The following DUSP15 variants were observed in gnomAD, a reference collection of about 807,000 sequenced individuals.
DUSP15 encodes dual specificity protein phosphatase 15.
Under a neutral mutation model 26.3 loss-of-function variants are expected in DUSP15, and 23 were observed. The observed-to-expected ratio is 0.87, with a 90% CI of 0.63 to 1.24. DUSP15 has a LOEUF of 1.24. Ranked by LOEUF, DUSP15 falls within the 50% of genes most tolerant of loss-of-function variation. The pLI, the probability that DUSP15 is intolerant of heterozygous loss-of-function variation, is 0.00. For synonymous variants in DUSP15, 143 were observed against 135.5 expected (o/e 1.06, Z -0.39); for missense variants, 364 against 320.6 (o/e 1.14, Z -1.03).
At chr20:31,860,869 A>G (rs774121762), downstream of DUSP15, among the ~76,000 whole-genome samples, 1 of 151,804 alleles carries the variant, frequency 6.6e-6, no homozygotes, top group Non-Finnish European at 1.5e-5. Context: ...GGGAGGGGAG[A>G]TGTTAGAGAA....
chr20:31,849,166 C>T (rs1224072835), intron 8 of DUSP15, among the ~76,000 whole-genome samples: 3 of 152,070 alleles, frequency 2.0e-5, no homozygotes, highest in Non-Finnish European at 4.4e-5. Context: ...ATGCCCACTG[C>T]CACTCACCTA....
downstream of DUSP15, among the ~76,000 whole-genome samples, chr20:31,846,442 T>TAGAGAGAGAGAGAG (rs71185371): frequency 1.0e-4 from 11 of 107,864 alleles, no homozygotes; most frequent in African/African-American, 4.0e-4. Flanking sequence ...AAGGAATGAA[T>TAGAGAGAGAGAGAG]AGAGAGAGAG....
intron 7 of DUSP15, chr20:31,850,498 A>T: frequency 9.0e-7 from 1 of 1,106,826 alleles, no homozygotes; most frequent in Non-Finnish European, 1.3e-6. Flanking sequence ...TGTGGCTATT[A>T]TTGGGAGCCT....
chr20:31,850,272 G>A (rs781517880), intron 7 of DUSP15, among the ~76,000 whole-genome samples: 3 of 152,218 alleles, frequency 2.0e-5, no homozygotes, highest in Non-Finnish European at 4.4e-5. Flanking sequence ...AGTGGTTAGG[G>A]TTGTGGGCTC....
chr20:31,862,716 G>A lies in DUSP15; in HGVS notation c.290C>T (p.Thr97Met), dbSNP rs1267315615. 2.5e-6 allele frequency: 4 copies of A among 1,611,226 alleles called. No homozygotes were observed. The highest frequency in any genetic ancestry group is 1.7e-5 in the Admixed American group (1 of 59,856). ...AGTCATCACATACGCTGTCACAATC[G>A]TGGTGCTGCGAGAGATGCCTGCAAA... ...HCFAGISRST[T>M]IVTAYVMTVT... Residue 97 changes from threonine (T) to methionine (M), a missense_variant, in exon 6 of 7, where the codon ACG becomes ATG. Transcript: ENST00000339738.
chr20:31,861,177 A>G lies in DUSP15; in HGVS notation c.*226T>C, dbSNP rs2062640060. The G allele has an allele frequency of 8.0e-7, 1 of 1,256,062 alleles. No homozygotes were observed. The highest frequency in any genetic ancestry group is 1.0e-6 in the Non-Finnish European group (1 of 1,001,292). The allele number at this position is 1,256,062 out of a possible 1,614,324, so 77.8% of individuals were successfully genotyped here. On this transcript the variant is annotated 3_prime_UTR_variant, in exon 7 of 7. Coordinates refer to ENST00000339738, the MANE Select transcript of DUSP15 (RefSeq NM_080611.5). ...AAGGGTGGGCCCCCTCCCCCAGCCC[A>G]AGGACTAAGGCACCAGGTGGCTGCA...
intron 3 of DUSP15, among the ~76,000 whole-genome samples, chr20:31,866,473 C>T (rs2062768332): frequency 6.6e-6 from 1 of 152,186 alleles, no homozygotes; most frequent in Non-Finnish European, 1.5e-5. Context: ...TGAAGATGTT[C>T]CTGACATAAG....
intron 6 of DUSP15, 112 bp from the exon 7 acceptor site, chr20:31,861,787 C>G (rs1307795595): frequency 2.4e-6 from 2 of 846,342 alleles, no homozygotes; most frequent in Non-Finnish European, 3.3e-6. Context: ...CGTCCCACAC[C>G]TCGCTGAGCC....
chr20:31,864,189 G>C, intron 4 of DUSP15: 1 of 1,372,946 alleles, frequency 7.3e-7, no homozygotes, highest in Non-Finnish European at 9.5e-7. Flanking sequence ...CAGGCAGTGA[G>C]AGAGACCAGT....
downstream of DUSP15, chr20:31,860,959 A>G: frequency 9.2e-6 from 9 of 982,404 alleles, no homozygotes; most frequent in South Asian, 4.2e-4. Context: ...CAGGGGATGC[A>G]GGCTCCCTCG....
chr20:31,849,573 A>G, intron 8 of DUSP15: 1 of 1,152,716 alleles, frequency 8.7e-7, no homozygotes, highest in Non-Finnish European at 1.3e-6. Context: ...AGCAGGTGGC[A>G]GGTGCGCCTG....
At chr20:31,869,398 C>CA (rs2062859530) in intron 2 of DUSP15, among the ~76,000 whole-genome samples, 166 bp downstream of exon 2, 1 of 152,242 alleles carries the variant, frequency 6.6e-6, no homozygotes, top group South Asian at 2.1e-4. Flanking sequence ...CACTCGCCTG[C>CA]ATGTGCACCC....
intron 6 of DUSP15, among the ~76,000 whole-genome samples, chr20:31,854,138 GGGGATTTAA>G (rs1436654049): frequency 6.7e-6 from 1 of 149,446 alleles, no homozygotes; most frequent in Non-Finnish European, 1.5e-5. Context: ...CAGCACTGAG[GGGGATTTAA>G]CTGATGAATT....
chr20:31,861,738 G>GGGGGGC, intron 6 of DUSP15, 63 bp from the exon 7 acceptor site: 4 of 1,290,706 alleles, frequency 3.1e-6, no homozygotes, highest in Non-Finnish European at 3.0e-6. Context: ...AAGGCAGCCG[G>GGGGGGC]CCCCGCCCCC....
At chr20:31,850,899 T>C (rs1347211121) in intron 6 of DUSP15, among the ~76,000 whole-genome samples, 2 of 152,180 alleles carry the variant, frequency 1.3e-5, no homozygotes, top group Non-Finnish European at 2.9e-5. Flanking sequence ...GGAGCCATCC[T>C]GAGCATTGGG....
chr20:31,846,475 A>AGAGAGAGAGAGAGG (rs71274237), downstream of DUSP15, among the ~76,000 whole-genome samples: 13 of 79,666 alleles, frequency 1.6e-4, 2 homozygotes, highest in East Asian at 1.0e-3. Context: ...AGAGAGAGAG[A>AGAGAGAGAGAGAGG]GGAGAGAGAG....
At chr20:31,862,844 G>T in intron 5 of DUSP15, 102 bp from the exon 6 acceptor site, 1 of 1,259,250 alleles carries the variant, frequency 7.9e-7, no homozygotes, top group Non-Finnish European at 1.1e-6. Context: ...TGCCTCCTGA[G>T]CTCCAACCAT....
chr20:31,852,924 C>T (rs376671774), intron 6 of DUSP15, among the ~76,000 whole-genome samples: 1 of 152,212 alleles, frequency 6.6e-6, no homozygotes, highest in Non-Finnish European at 1.5e-5. Context: ...GGTGGAGGGG[C>T]CTCTTTGTTG....
chr20:31,846,257 GACATACACACACAGAAACACAGAGAC>G (rs1349267625), downstream of DUSP15, among the ~76,000 whole-genome samples: 1 of 145,016 alleles, frequency 6.9e-6, no homozygotes, highest in Non-Finnish European at 1.5e-5. Flanking sequence ...GACACACAGA[GACATACACACACAGAAACACAGAGAC>G]ACAGACACAG....
Sources: gnomAD v4.1 joint callset for allele counts (sites outside exome capture counted in the v4.1 genomes callset) on GRCh38, gnomAD v4.1.1 for gene constraint, MANE v1.5 for transcripts, NCBI Gene and HGNC (gene_info 2026-07-23, HGNC 2026-07-21) for gene names.